The following SIGLEC6 variants were observed in gnomAD, a reference collection of about 807,000 sequenced individuals.
SIGLEC6 encodes the protein sialic acid-binding Ig-like lectin 6.
In SIGLEC6, 31 loss-of-function variants were observed where a neutral mutation model predicts 41.4. The ratio of observed to expected loss-of-function variants is 0.75; its 90% CI spans 0.56 to 1.01. The LOEUF (loss-of-function observed/expected upper bound fraction) is 1.01, where lower values mean the gene tolerates loss of function less well. Ranked by LOEUF, SIGLEC6 falls within the 50% of genes least tolerant of loss-of-function variation. SIGLEC6 has a pLI of 0.00. For missense variants in SIGLEC6, 555 were observed against 558.6 expected (o/e 0.99, Z 0.06); for synonymous variants, 217 against 231.0 (o/e 0.94, Z 0.55).
Position 51,531,246 on chromosome 19 carries a change from C to T in SIGLEC6, c.341G>A (p.Arg114Lys). ...CSLSIRDARR[R>K]DNAAYFFRLK... The stretch of plus-strand genomic sequence containing the variant: ...CCGAAAGAAGTATGCAGCATTGTCC[C>T]TCCTCCGGGCATCTCTGATGCTCAG... Residue 114 changes from arginine (R) to lysine (K), a missense_variant, in exon 2 of 8, where the codon AGG becomes AAG. Physicochemically the swap from Arg to Lys is conservative, Grantham distance 26. Transcript: ENST00000425629. 6.2e-7 allele frequency: 1 copy of T among 1,614,092 alleles called. No individual in the cohort carries two copies. The highest frequency in any genetic ancestry group is 8.5e-7 in the Non-Finnish European group (1 of 1,179,982).
chr19:51,531,427 G>A lies in SIGLEC6; in HGVS notation c.160C>T (p.Pro54Ser), dbSNP rs776953751. The change falls in exon 2 of 8, where the codon CCC (proline) becomes TCC (serine). Residue 54 changes from proline to serine, a missense_variant. By Grantham distance (74) the Pro-to-Ser change is moderately conservative. Transcript: ENST00000425629. ...GLCVLVPCRLPTTLPASYYGY... is the reference protein window; with the variant it reads ...GLCVLVPCRLSTTLPASYYGY... ...TAGTACGAGGCTGGAAGGGTAGTGG[G>A]CAATCTGCAGGGTACGAGGACGCAC... 12 of 1,614,012 alleles carry A rather than the reference G, an allele frequency of 7.4e-6. No homozygotes were observed. The South Asian group carries it at 1.1e-4, about 15-fold the overall frequency.
Position 51,529,839 on chromosome 19 carries a change from G to C in SIGLEC6, c.897C>G (p.Ser299=). Residue 299 remains serine (S), a synonymous_variant, in exon 5 of 8, where the codon TCC becomes TCG. Transcript: ENST00000425629. ...GFPALNATPI[S]NTGVLELPQV... is the part of the protein sequence containing the mutation. ...GAGGCAGCTCCAGGACCCCGGTATT[G>C]GAGATGGGGGTGGCGTTCAGGGCGG... is the stretch of plus-strand genomic sequence containing the variant. 4 of 1,614,174 alleles carry C rather than the reference G, an allele frequency of 2.5e-6. No homozygotes were observed. The highest frequency in any genetic ancestry group is 3.4e-6 in the Non-Finnish European group (4 of 1,180,026).
At position 51,518,653 on chromosome 19, in the gene SIGLEC6, AATCT is replaced by A. The variant is rs1167371305; in HGVS notation, c.*1425_*1428del. Among the ~76,000 whole-genome samples, 1 of 152,178 alleles carries A rather than the reference AATCT, an allele frequency of 6.6e-6. No homozygotes were observed. The highest frequency in any genetic ancestry group is 1.5e-5 in the Non-Finnish European group (1 of 68,030). On this transcript the variant is annotated 3_prime_UTR_variant, in exon 8 of 8. Transcript: ENST00000425629. The stretch of plus-strand genomic sequence containing the variant: ...CTGCTAACTGTGGTCTTTTAAGTGT[AATCT>A]ATCTTTTTATTTTTCATGGCTACTC...
At position 51,530,779 on chromosome 19, in the gene SIGLEC6, G is replaced by C; in HGVS notation, c.608C>G (p.Thr203Ser). The change falls in exon 3 of 8, where the codon ACC becomes AGC. Residue 203 changes from threonine (T) to serine (S), a missense_variant. Coordinates refer to ENST00000425629, the MANE Select transcript of SIGLEC6 (RefSeq NM_001245.7). The part of the protein sequence containing the change: ...RTTQSSVLTI[T>S]PRPQDHSTNL... ...GGTGCTGTGGTCCTGGGGCCGTGGG[G>C]TGATTGTGAGCACCGAGGACTGGGT... 1 of 1,614,078 alleles carries C rather than the reference G, an allele frequency of 6.2e-7. No homozygotes were observed. The highest frequency in any genetic ancestry group is 1.1e-5 in the South Asian group (1 of 91,074).
At position 51,525,867 on chromosome 19, in the gene SIGLEC6, T is replaced by A. The variant is rs1979142491; in HGVS notation, c.1188+1880A>T. Among the ~76,000 whole-genome samples, 3 of 152,058 alleles carry A rather than the reference T, an allele frequency of 2.0e-5. No individual in the cohort carries two copies. The South Asian group carries it at 6.2e-4, about 31-fold the overall frequency. ...AGCTCTCAGAGCAGCTGGCAGCCCC[T>A]CTGCCATTGCTGCTGCAGCCATGCT... On this transcript the variant is annotated intron_variant, in intron 7 of 7. Coordinates refer to ENST00000425629, the MANE Select transcript of SIGLEC6 (RefSeq NM_001245.7).
Position 51,531,312 on chromosome 19 carries a change from C to G in SIGLEC6, c.275G>C (p.Arg92Pro). Residue 92 changes from arginine (R) to proline (P), a missense_variant, in exon 2 of 8, where the codon CGA (arginine) becomes CCA (proline). By Grantham distance (103) the Arg-to-Pro change is moderately radical. Transcript: ENST00000425629. The part of the protein sequence containing the change: ...DEEVQEETRG[R>P]FHLLWDPRRK... ...TCTGGGATCCCAGAGGAGGTGGAAT[C>G]GGCCCCGGGTCTCCTCCTGCACTTC... 1 of 1,614,160 alleles carries G rather than the reference C, an allele frequency of 6.2e-7. No homozygotes were observed. Among genetic ancestry groups the G allele is most frequent in the South Asian group, 1.1e-5 (1 of 91,082 alleles).
intron 4 of SIGLEC6, 70 bp downstream of exon 4, chr19:51,530,367 T>C (rs1329602342): frequency 1.4e-6 from 2 of 1,395,068 alleles, no homozygotes; most frequent in African/African-American, 2.8e-5. Context: ...TGGCTTCTCA[T>C]ATTGATCCCC....
At chr19:51,525,028 C>T (rs923964147) in intron 7 of SIGLEC6, among the ~76,000 whole-genome samples, 1 of 152,190 alleles carries the variant, frequency 6.6e-6, no homozygotes, top group Non-Finnish European at 1.5e-5. Context: ...ACTGCTCAGG[C>T]CCATGTGGAG....
rs779328381 is a variant in SIGLEC6 at position 51,527,710 on chromosome 19, A to G, written c.1188+37T>C. The G allele has an allele frequency of 5.1e-6, 8 of 1,581,942 alleles. No homozygotes were observed. The South Asian group carries it at 6.7e-5, about 13-fold the overall frequency. On this transcript the variant is annotated intron_variant, in intron 7 of 7. Transcript: ENST00000425629. ...TTACTTAGGGCAGCATTCAAAAGGG[A>G]TAATGCTGAATGGAAATTAAGGTCT...
At chr19:51,524,108 A>T (rs1172307057) in intron 7 of SIGLEC6, among the ~76,000 whole-genome samples, 3 of 152,236 alleles carry the variant, frequency 2.0e-5, no homozygotes, top group Non-Finnish European at 4.4e-5. Context: ...AATATAAAGC[A>T]GAGCAATCTG....
rs1568541131 is a variant in SIGLEC6 at position 51,519,920 on chromosome 19, T to C, written c.*162A>G. ...AGGCCTTAGAAGGGACCAACCCTGA[T>C]AACACCTTGTTCTCAGACCTCTAAC... On this transcript the variant is annotated 3_prime_UTR_variant, in exon 8 of 8. Coordinates refer to ENST00000425629, the MANE Select transcript of SIGLEC6 (RefSeq NM_001245.7). 1.8e-6 allele frequency: 1 copy of C among 550,932 alleles called. No individual in the cohort carries two copies. Among genetic ancestry groups the C allele is most frequent in the South Asian group, 4.7e-5 (1 of 21,372 alleles). The allele number at this position is 550,932 out of a possible 1,614,324, so 34.1% of individuals were successfully genotyped here. A position where few individuals can be genotyped will look rare whatever the true frequency, so the allele number is the denominator to read the frequency against.
chr19:51,520,659 A>T (rs1202362922), intron 7 of SIGLEC6, among the ~76,000 whole-genome samples: 1 of 152,210 alleles, frequency 6.6e-6, no homozygotes, highest in Non-Finnish European at 1.5e-5. Context: ...TACAAGCATG[A>T]GCCACCACAT....
Position 51,530,928 on chromosome 19 carries a change from T to C in SIGLEC6, c.459A>G (p.Pro153=), listed in dbSNP as rs930339649. 6.2e-7 allele frequency: 1 copy of C among 1,612,848 alleles called. No homozygotes were observed. The highest frequency in any genetic ancestry group is 1.7e-5 in the Admixed American group (1 of 60,002). ...ALTHRPNISI[P]GTLESGHPSN... is the part of the protein sequence containing the mutation. The stretch of plus-strand genomic sequence containing the variant: ...TGGGATGGCCAGACTCCAGGGTCCC[T>C]GGGATGGAGATGTTGGGCCTGTGGG... The change falls in exon 3 of 8, where the codon CCA becomes CCG. Residue 153 remains proline (P), a synonymous_variant. Coordinates refer to ENST00000425629, the MANE Select transcript of SIGLEC6 (RefSeq NM_001245.7).
Position 51,531,207 on chromosome 19 carries a change from C to T in SIGLEC6, c.380G>A (p.Trp127Ter). The T allele has an allele frequency of 1.9e-6, 3 of 1,610,506 alleles. No individual in the cohort carries two copies. Among genetic ancestry groups the T allele is most frequent in the Non-Finnish European group, 2.5e-6 (3 of 1,177,910 alleles). ...AAYFFRLKSK[W>*]MKYGYTSSKL... Reference sequence around the variant, plus strand: ...GGAAGATGTATAACCGTATTTCATCCATTTGGACTTCAACCGAAAGAAGTA... The same window carrying T: ...GGAAGATGTATAACCGTATTTCATCTATTTGGACTTCAACCGAAAGAAGTA... The change falls in exon 2 of 8, where the codon TGG (tryptophan) becomes TAG (stop). Residue 127 changes from tryptophan to a stop codon, truncating the protein, a stop_gained. Transcript: ENST00000425629. LOFTEE classifies it high-confidence loss of function.
At position 51,520,149 on chromosome 19, in the gene SIGLEC6, T is replaced by C. The variant is rs752800564; in HGVS notation, c.1295A>G (p.His432Arg). ...CTTTGGTTCCTGAGGTTGCACCTTG[T>C]GGAAGTGTAGGACAGCGTAGTGGAG... The part of the protein sequence containing the change: ...QELHYAVLHF[H>R]KVQPQEPKVT... The change falls in exon 8 of 8, where the codon CAC becomes CGC. Residue 432 changes from histidine to arginine, a missense_variant. By Grantham distance (29) the His-to-Arg change is conservative. Transcript: ENST00000425629. 3 of 1,606,356 alleles carry C rather than the reference T, an allele frequency of 1.9e-6. No homozygotes were observed. The highest frequency in any genetic ancestry group is 1.1e-5 in the South Asian group (1 of 90,386).
chr19:51,528,120 A>T lies in SIGLEC6; in HGVS notation c.1106+40T>A, dbSNP rs769710742. On this transcript the variant is annotated intron_variant, in intron 6 of 7. Transcript: ENST00000425629. Reference sequence around the variant, plus strand: ...ATTCTGCCACCTGTGTGCCCTTCCCACATGAAGTCTTTCTGTGCCTCCCTG... The same window carrying T: ...ATTCTGCCACCTGTGTGCCCTTCCCTCATGAAGTCTTTCTGTGCCTCCCTG... 1.5e-5 allele frequency: 23 copies of T among 1,559,108 alleles called. No homozygotes were observed. The Admixed American group carries it at 3.5e-4, about 24-fold the overall frequency.
chr19:51,524,963 A>G (rs1252083252), intron 7 of SIGLEC6, among the ~76,000 whole-genome samples: 1 of 152,106 alleles, frequency 6.6e-6, no homozygotes, highest in Non-Finnish European at 1.5e-5. Context: ...GGCATGAGAG[A>G]TCCCCTGAAG....
At chr19:51,525,821 C>T (rs1979130322) in intron 7 of SIGLEC6, among the ~76,000 whole-genome samples, 1 of 152,186 alleles carries the variant, frequency 6.6e-6, no homozygotes, top group Non-Finnish European at 1.5e-5. Flanking sequence ...TTGGCAGTGG[C>T]TCTGTGGCTT....
At chr19:51,524,391 AT>A (rs1309563609) in intron 7 of SIGLEC6, among the ~76,000 whole-genome samples, 1 of 152,222 alleles carries the variant, frequency 6.6e-6, no homozygotes. Flanking sequence ...AAATAAAGAC[AT>A]TTCATAATGA....
Sources: allele counts gnomAD v4.1 joint callset (sites outside exome capture counted in the v4.1 genomes callset), GRCh38; gene constraint gnomAD v4.1.1; transcripts MANE v1.5; gene names NCBI Gene and HGNC (gene_info 2026-07-23, HGNC 2026-07-21).